SCD5: variants seen among roughly 807,000 people sequenced by gnomAD.
SCD5 encodes stearoyl-CoA desaturase 5, also known as acyl-CoA-desaturase 4.
In SCD5, 20 loss-of-function variants were observed where a neutral mutation model predicts 30.4. The ratio of observed to expected loss-of-function variants is 0.66; its 90% CI spans 0.46 to 0.96. SCD5 has a LOEUF of 0.96. SCD5 is among the 40% of genes least tolerant of loss of function. The pLI, the probability that SCD5 is intolerant of heterozygous loss-of-function variation, is 0.00. For missense variants in SCD5, 381 were observed against 443.3 expected, an observed-to-expected ratio of 0.86 and a Z score of 1.26; for synonymous variants, 173 against 176.4, an observed-to-expected ratio of 0.98 and a Z score of 0.16.
At chr4:82,772,258 T>G (rs1336564346) in intron 1 of SCD5, among the ~76,000 whole-genome samples, 1 of 152,144 alleles carries the variant, frequency 6.6e-6, no homozygotes, top group East Asian at 1.9e-4. Context: ...CTGAGGCCAT[T>G]TTTGTCCATG....
At chr4:82,643,122 G>C (rs1220262473) in intron 3 of SCD5, among the ~76,000 whole-genome samples, 2 of 152,192 alleles carry the variant, frequency 1.3e-5, no homozygotes, top group Admixed American at 1.3e-4. Flanking sequence ...GTAAATGTTA[G>C]CAAGGATGTA....
At chr4:82,710,966 G>A (rs1320732593) in intron 1 of SCD5, among the ~76,000 whole-genome samples, 1 of 151,972 alleles carries the variant, frequency 6.6e-6, no homozygotes, top group Admixed American at 6.6e-5. Context: ...AATGGCCCTG[G>A]GATTGAATCC....
Position 82,798,558 on chromosome 4 carries a change from C to A in SCD5, c.-21G>T. ...GGCATGGCTGGGCGAGGTGGGCGCCCGCAGCAGCGGCAGGCAGGCAGGCGC... is the reference window on the plus strand; with the variant it reads ...GGCATGGCTGGGCGAGGTGGGCGCCAGCAGCAGCGGCAGGCAGGCAGGCGC... On this transcript the variant is annotated 5_prime_UTR_variant, in exon 1 of 5. Coordinates refer to ENST00000319540, the MANE Select transcript of SCD5 (RefSeq NM_001037582.3). 6.5e-7 allele frequency: 1 copy of A among 1,549,816 alleles called. No homozygotes were observed. The highest frequency in any genetic ancestry group is 2.4e-5 in the East Asian group (1 of 41,856).
chr4:82,752,090 C>T (rs191070789), intron 1 of SCD5, among the ~76,000 whole-genome samples: 64 of 152,170 alleles, frequency 4.2e-4, no homozygotes, highest in Admixed American at 2.3e-3. Context: ...AAAGAAATCC[C>T]CATAAGTCTG....
At chr4:82,787,522 G>A (rs939752493) in intron 1 of SCD5, among the ~76,000 whole-genome samples, 1 of 152,150 alleles carries the variant, frequency 6.6e-6, no homozygotes, top group Non-Finnish European at 1.5e-5. Context: ...CGCTTCCTTC[G>A]AGCCAGAGCC....
chr4:82,734,157 C>A (rs1407170197), intron 1 of SCD5, among the ~76,000 whole-genome samples: 1 of 152,158 alleles, frequency 6.6e-6, no homozygotes. Context: ...AGGATCAGAC[C>A]AGAAGAAGGA....
At chr4:82,795,255 A>AATGGACAGGCT (rs1395580618) in intron 1 of SCD5, among the ~76,000 whole-genome samples, 2 of 152,178 alleles carry the variant, frequency 1.3e-5, no homozygotes, top group Non-Finnish European at 2.9e-5. Flanking sequence ...GGTGGCAAGC[A>AATGGACAGGCT]ATGGACAGGC....
intron 1 of SCD5, among the ~76,000 whole-genome samples, chr4:82,734,954 A>C (rs1053240845): frequency 2.6e-5 from 4 of 151,486 alleles, no homozygotes; most frequent in African/African-American, 9.7e-5. Flanking sequence ...TTTTTAGTAG[A>C]GATGGGGTTT....
At chr4:82,715,792 T>C (rs1242378645) in intron 1 of SCD5, among the ~76,000 whole-genome samples, 2 of 151,750 alleles carry the variant, frequency 1.3e-5, no homozygotes, top group African/African-American at 4.9e-5. Flanking sequence ...GCTGACAGCC[T>C]AGCTCTTGAC....
At chr4:82,758,923 A>G (rs1341725454) in intron 1 of SCD5, among the ~76,000 whole-genome samples, 2 of 151,992 alleles carry the variant, frequency 1.3e-5, no homozygotes, top group Non-Finnish European at 2.9e-5. Flanking sequence ...ATCCCCTACA[A>G]TCCTGCGAAA....
intron 2 of SCD5, among the ~76,000 whole-genome samples, chr4:82,689,822 T>C (rs1484215544): frequency 4.6e-5 from 7 of 152,196 alleles, no homozygotes; most frequent in Non-Finnish European, 1.5e-5. Context: ...CCTCTAATAA[T>C]GTGACAAAGT....
At chr4:82,676,337 G>A (rs1728435771) in intron 3 of SCD5, among the ~76,000 whole-genome samples, 1 of 152,148 alleles carries the variant, frequency 6.6e-6, no homozygotes, top group Non-Finnish European at 1.5e-5. Flanking sequence ...AATTCTTGAT[G>A]GATCCACGCT....
In SCD5 at chr4:82,643,177, C is replaced by T. The variant is rs142240341; in HGVS notation, c.570-6354G>A. ...GTACTGATGGAGGAATGTGAAGTGG[C>T]ACAGCCACTGCAGGAAATGGTTTGA... On this transcript the variant is annotated intron_variant, in intron 3 of 4. Transcript: ENST00000319540. Among the ~76,000 whole-genome samples the T allele has an allele frequency of 2.6e-3, 400 of 152,290 alleles. 3 individuals carry two copies. Among genetic ancestry groups the T allele is most frequent in the African/African-American group, 9.3e-3 (385 of 41,560 alleles).
chr4:82,703,694 A>T (rs926991741), intron 2 of SCD5, among the ~76,000 whole-genome samples: 2 of 152,220 alleles, frequency 1.3e-5, no homozygotes, highest in African/African-American at 4.8e-5. Flanking sequence ...TGAGAAAAAA[A>T]ATCAGAGTTT....
chr4:82,781,829 C>G lies in SCD5; in HGVS notation c.232+16477G>C, dbSNP rs147068627. ...TTCCAGTATTATGGAAAATGAATTTCTGTTCATTTGAAGTTACCCAGTATT... is the reference window on the plus strand; with the variant it reads ...TTCCAGTATTATGGAAAATGAATTTGTGTTCATTTGAAGTTACCCAGTATT... On this transcript the variant is annotated intron_variant, in intron 1 of 4. Transcript: ENST00000319540. Among the ~76,000 whole-genome samples the G allele has an allele frequency of 4.7e-3, 713 of 152,288 alleles. 2 individuals carry two copies. Among genetic ancestry groups the G allele is most frequent in the African/African-American group, 0.016 (684 of 41,562 alleles).
intron 2 of SCD5, chr4:82,692,156 T>C (rs1480927178): frequency 1.9e-5 from 3 of 155,276 alleles, no homozygotes; most frequent in African/African-American, 7.2e-5. Context: ...GACTCGTCCA[T>C]CGATTGGGGC....
intron 1 of SCD5, among the ~76,000 whole-genome samples, chr4:82,716,361 C>A (rs901373449): frequency 6.6e-6 from 1 of 151,558 alleles, no homozygotes; most frequent in Non-Finnish European, 1.5e-5. Flanking sequence ...AGTCTCAGTT[C>A]TCTTATCTGT....
intron 1 of SCD5, among the ~76,000 whole-genome samples, chr4:82,765,776 T>C (rs1378690301): frequency 2.0e-5 from 3 of 152,000 alleles, no homozygotes; most frequent in Non-Finnish European, 4.4e-5. Context: ...ACCGCCATCA[T>C]ACCTGGCTAA....
chr4:82,675,861 A>C (rs1297758035), intron 3 of SCD5, among the ~76,000 whole-genome samples: 3 of 152,262 alleles, frequency 2.0e-5, no homozygotes, highest in Non-Finnish European at 4.4e-5. Flanking sequence ...CGCTCTGCTT[A>C]AGGCAGAACA....
Sources: gnomAD v4.1 joint callset for allele counts (sites outside exome capture counted in the v4.1 genomes callset) on GRCh38, gnomAD v4.1.1 for gene constraint, MANE v1.5 for transcripts, NCBI Gene and HGNC (gene_info 2026-07-23, HGNC 2026-07-21) for gene names.